BMP6: variants seen among roughly 807,000 people sequenced by gnomAD.
BMP6 encodes the protein bone morphogenetic protein 6.
BMP6 carries 17 observed loss-of-function variants against 54.1 expected under a neutral mutation model. That is an observed-to-expected ratio of 0.31 (90% CI 0.22 to 0.47). The LOEUF is 0.47. Ranked by LOEUF, BMP6 falls within the 20% of genes least tolerant of loss-of-function variation. The pLI, the probability that BMP6 is intolerant of heterozygous loss-of-function variation, is 1.00. For missense variants in BMP6, 720 were observed against 690.4 expected (o/e 1.04, Z -0.48); for synonymous variants, 328 against 291.2 (o/e 1.13, Z -1.28).
chr6:7,821,645 A>T (rs79845371), intron 1 of BMP6, among the ~76,000 whole-genome samples: 4,609 of 148,158 alleles, frequency 0.031, 85 homozygotes, highest in Middle Eastern at 0.079. Context: ...GACCTTGAGT[A>T]AGTTACTTTC....
chr6:7,880,053 A>G lies in BMP6; in HGVS notation c.1344A>G (p.Pro448=), dbSNP rs1230298128. The G allele has an allele frequency of 1.2e-6, 2 of 1,614,022 alleles. No homozygotes were observed. The highest frequency in any genetic ancestry group is 1.7e-6 in the Non-Finnish European group (2 of 1,180,040). Residue 448 remains proline (P), a synonymous_variant, in exon 6 of 7, where the codon CCA becomes CCG. Coordinates refer to ENST00000283147, the MANE Select transcript of BMP6 (RefSeq NM_001718.6). ...ACTGTGATGGAGAATGCTCCTTCCC[A>G]CTCAACGCACACATGAATGCAACCA... The part of the protein sequence containing the change: ...ANYCDGECSF[P]LNAHMNATNH...
At chr6:7,778,114 C>T (rs566413060) in intron 1 of BMP6, among the ~76,000 whole-genome samples, 37 of 152,196 alleles carry the variant, frequency 2.4e-4, no homozygotes, top group African/African-American at 6.5e-4. Flanking sequence ...TACTGACTGT[C>T]GGCGACCATC....
At chr6:7,835,835 A>AT (rs70982111) in intron 1 of BMP6, among the ~76,000 whole-genome samples, 9,499 of 146,652 alleles carry the variant, frequency 0.065, 443 homozygotes, top group African/African-American at 0.13. Context: ...CATCTCCCCA[A>AT]TTTTTTTTTT....
chr6:7,834,304 C>A (rs543738406), intron 1 of BMP6, among the ~76,000 whole-genome samples: 1 of 141,010 alleles, frequency 7.1e-6, no homozygotes, highest in African/African-American at 2.7e-5. Context: ...AATACACCAC[C>A]AAAATGTGTA....
At chr6:7,821,176 C>A (rs1033564746) in intron 1 of BMP6, among the ~76,000 whole-genome samples, 1 of 152,238 alleles carries the variant, frequency 6.6e-6, no homozygotes, top group Non-Finnish European at 1.5e-5. Flanking sequence ...GAATATGACA[C>A]CAGCCTTTTA....
chr6:7,790,514 C>CAA (rs35572440), intron 1 of BMP6, among the ~76,000 whole-genome samples: 2,185 of 73,354 alleles, frequency 0.03, 249 homozygotes, highest in African/African-American at 0.052. Flanking sequence ...GACCCTGTCT[C>CAA]AAAAAAAAAA....
rs80202435 is a variant in BMP6 at position 7,829,732 on chromosome 6, T to A, written c.665-15408T>A. ...AATAAAAATGCACCATCTGGTGCCA[T>A]GTAGCACTGTTGGGCGTCTGCAGAG... is the stretch of plus-strand genomic sequence containing the variant. On this transcript the variant is annotated intron_variant, in intron 1 of 6. Coordinates refer to ENST00000283147, the MANE Select transcript of BMP6 (RefSeq NM_001718.6). Among the ~76,000 whole-genome samples, 1,226 of 152,206 alleles carry A rather than the reference T, an allele frequency of 8.1e-3. 13 individuals are homozygous for A. The highest frequency in any genetic ancestry group is 0.028 in the African/African-American group (1,162 of 41,518).
chr6:7,752,933 G>A (rs756979851), intron 1 of BMP6, among the ~76,000 whole-genome samples: 39 of 152,070 alleles, frequency 2.6e-4, no homozygotes, highest in Non-Finnish European at 4.3e-4. Context: ...CCTACACCTA[G>A]CCTCCAGGGA....
chr6:7,852,878 C>T (rs910753092), intron 2 of BMP6, among the ~76,000 whole-genome samples: 1 of 152,222 alleles, frequency 6.6e-6, no homozygotes, highest in African/African-American at 2.4e-5. Flanking sequence ...AAAGGGACTA[C>T]ACAGAAGTGA....
intron 1 of BMP6, among the ~76,000 whole-genome samples, chr6:7,831,420 T>C (rs750612916): frequency 2.0e-5 from 3 of 152,162 alleles, no homozygotes; most frequent in Non-Finnish European, 4.4e-5. Flanking sequence ...GCCACTGAAT[T>C]GTCCACTTCA....
intron 1 of BMP6, among the ~76,000 whole-genome samples, chr6:7,776,262 C>T (rs1424842040): frequency 1.3e-5 from 2 of 152,228 alleles, no homozygotes; most frequent in African/African-American, 4.8e-5. Flanking sequence ...CCATCACTGC[C>T]TCCCTTCCCT....
chr6:7,728,549 G>C (rs924005159), intron 1 of BMP6, among the ~76,000 whole-genome samples: 6 of 152,206 alleles, frequency 3.9e-5, no homozygotes, highest in African/African-American at 1.4e-4. Flanking sequence ...CTGTAAATGA[G>C]AAGGGTGCAG....
At position 7,807,990 on chromosome 6, in the gene BMP6, A is replaced by G. The variant is rs557835212; in HGVS notation, c.665-37150A>G. Among the ~76,000 whole-genome samples the G allele has an allele frequency of 8.4e-4, 112 of 133,756 alleles. 2 individuals carry two copies. The South Asian group carries it at 0.016, about 19-fold the overall frequency. 87.7% of individuals were successfully genotyped at this position (133,756 alleles called of 152,430 possible). ...GGCTGGAGTGCAGTGGCACGATCTC[A>G]GCTCACTGCAATCTCCACTTCGCGG... On this transcript the variant is annotated intron_variant, in intron 1 of 6. Coordinates refer to ENST00000283147, the MANE Select transcript of BMP6 (RefSeq NM_001718.6).
chr6:7,747,489 G>A (rs1757365170), intron 1 of BMP6, among the ~76,000 whole-genome samples: 1 of 152,196 alleles, frequency 6.6e-6, no homozygotes, highest in African/African-American at 2.4e-5. Flanking sequence ...GCCCTGAGCT[G>A]ACAGCCAGCA....
At chr6:7,812,419 T>C (rs370780785) in intron 1 of BMP6, among the ~76,000 whole-genome samples, 10 of 152,320 alleles carry the variant, frequency 6.6e-5, no homozygotes, top group African/African-American at 2.4e-4. Flanking sequence ...GTGATGGTTT[T>C]AACTGGTCTC....
chr6:7,834,032 A>G (rs879872512), intron 1 of BMP6, among the ~76,000 whole-genome samples: 1 of 152,282 alleles, frequency 6.6e-6, no homozygotes, highest in East Asian at 1.9e-4. Flanking sequence ...GTTTCTGTGA[A>G]TGCAAAGACC....
intron 1 of BMP6, among the ~76,000 whole-genome samples, chr6:7,825,809 CCTT>C (rs1758688973): frequency 6.6e-6 from 1 of 152,160 alleles, no homozygotes. Flanking sequence ...AGTACACACC[CCTT>C]CTTCCAACCA....
intron 1 of BMP6, among the ~76,000 whole-genome samples, chr6:7,813,143 A>ATATATATATATATATG (rs1354797803): frequency 9.5e-6 from 1 of 105,710 alleles, no homozygotes; most frequent in Non-Finnish European, 1.8e-5. Context: ...ATATATATAT[A>ATATATATATATATATG]TATATAAAAT....
At chr6:7,833,787 T>C (rs1758828140) in intron 1 of BMP6, among the ~76,000 whole-genome samples, 1 of 152,202 alleles carries the variant, frequency 6.6e-6, no homozygotes, top group Non-Finnish European at 1.5e-5. Flanking sequence ...GTTTATAACG[T>C]CTTTAGGAGT....
Sources: gnomAD v4.1 joint callset for allele counts (sites outside exome capture counted in the v4.1 genomes callset) on GRCh38, gnomAD v4.1.1 for gene constraint, MANE v1.5 for transcripts, NCBI Gene and HGNC (gene_info 2026-07-23, HGNC 2026-07-21) for gene names.